Variants in DIPK1A observed in about 807,000 individuals in gnomAD.
DIPK1A encodes the protein family with sequence similarity 69 member A.
DIPK1A carries 27 observed loss-of-function variants against 40.8 expected under a neutral mutation model. The ratio of observed to expected loss-of-function variants is 0.66; its 90% CI spans 0.49 to 0.91. DIPK1A has a LOEUF of 0.91. Among genes scored for constraint, DIPK1A ranks in the 40% least tolerant of loss-of-function variants. The probability of loss-of-function intolerance (pLI) is 0.00; values close to 1 mark genes in which losing one functional copy is unlikely to be tolerated. For synonymous variants in DIPK1A, 166 were observed against 171.3 expected (o/e 0.97, Z 0.24); for missense variants, 412 against 505.7 (o/e 0.81, Z 1.78).
At chr1:92,866,347 C>T (rs1290188885) in intron 2 of DIPK1A, among the ~76,000 whole-genome samples, 3 of 152,204 alleles carry the variant, frequency 2.0e-5, no homozygotes, top group African/African-American at 2.4e-5. Flanking sequence ...GGTGATCCAC[C>T]CGCCTCGGCC....
intron 2 of DIPK1A, among the ~76,000 whole-genome samples, chr1:92,853,150 T>C (rs1040580363): frequency 6.6e-6 from 1 of 151,780 alleles, no homozygotes; most frequent in Non-Finnish European, 1.5e-5. Flanking sequence ...TTAAGATAAA[T>C]GTATAGATAA....
chr1:92,834,960 T>C, intron 4 of DIPK1A: 1 of 1,599,444 alleles, frequency 6.3e-7, no homozygotes, highest in Non-Finnish European at 8.5e-7. Flanking sequence ...GCTGATTGCT[T>C]GGAGAGTTTT....
At chr1:92,874,854 G>A (rs1202534114) in intron 2 of DIPK1A, among the ~76,000 whole-genome samples, 1 of 152,122 alleles carries the variant, frequency 6.6e-6, no homozygotes, top group Admixed American at 6.5e-5. Flanking sequence ...CTGGGTCATA[G>A]TTCTTTATCT....
chr1:92,946,446 A>T (rs544532123), intron 1 of DIPK1A, among the ~76,000 whole-genome samples: 1 of 152,322 alleles, frequency 6.6e-6, no homozygotes, highest in African/African-American at 2.4e-5. Context: ...GTCCCTTCTA[A>T]AAAAGGGGAG....
At chr1:92,832,901 G>T in exon 5 of DIPK1A, 1 of 669,454 alleles carries the variant, frequency 1.5e-6, no homozygotes, top group East Asian at 2.7e-5. Flanking sequence ...AGCGAGAGAG[G>T]TACGTAGTTG....
chr1:92,851,672 C>T (rs963565446), intron 2 of DIPK1A, among the ~76,000 whole-genome samples: 1 of 151,850 alleles, frequency 6.6e-6, no homozygotes, highest in Non-Finnish European at 1.5e-5. Flanking sequence ...AACCCATCCA[C>T]TCTCTGAAAA....
Position 92,842,577 on chromosome 1 carries a change from A to G in DIPK1A, c.*806T>C. 2.0e-6 allele frequency: 2 copies of G among 982,768 alleles called. No homozygotes were observed. The highest frequency in any genetic ancestry group is 2.4e-6 in the Non-Finnish European group (2 of 829,368). The allele number at this position is 982,768 out of a possible 1,614,324, so 60.9% of individuals were successfully genotyped here. A position where few individuals can be genotyped will look rare whatever the true frequency, so the allele number is the denominator to read the frequency against. ...GTTTGAAAATGGAAAGTTATTACTA[A>G]AAAGTCTGCTATAATTTATTTTAGT... is the stretch of plus-strand genomic sequence containing the variant. On this transcript the variant is annotated 3_prime_UTR_variant, in exon 5 of 5. Transcript: ENST00000370310.
At chr1:92,845,329 T>C (rs1687557702) in intron 4 of DIPK1A, among the ~76,000 whole-genome samples, 1 of 141,962 alleles carries the variant, frequency 7.0e-6, no homozygotes, top group Non-Finnish European at 1.5e-5. Flanking sequence ...GAAGAACTGC[T>C]ATGCTTTTTT....
At chr1:92,860,137 G>C (rs1688115782) in intron 2 of DIPK1A, among the ~76,000 whole-genome samples, 1 of 152,136 alleles carries the variant, frequency 6.6e-6, no homozygotes, top group African/African-American at 2.4e-5. Flanking sequence ...TTAATGAAGA[G>C]GTTTTAAGAA....
chr1:92,903,774 G>A (rs183668675), intron 1 of DIPK1A, among the ~76,000 whole-genome samples: 57 of 152,300 alleles, frequency 3.7e-4, no homozygotes, highest in African/African-American at 1.3e-3. Context: ...ATCTAAGATA[G>A]GCCGTCAGGT....
At chr1:92,897,666 AT>A in intron 1 of DIPK1A, among the ~76,000 whole-genome samples, 2 of 141,316 alleles carry the variant, frequency 1.4e-5, no homozygotes, top group East Asian at 4.3e-4. Flanking sequence ...TAAAAAAAAA[AT>A]TTCCTTTTTC....
rs1648128134 is a variant in DIPK1A, at chr1:92,876,416, A to G, written c.69T>C (p.Tyr23=). ...KPYYLQARFS[Y]VRMKYLFFSW... is the part of the protein sequence containing the mutation. ...AAAAGAAAAGATATTTCATCCGCAC[A>G]TATGAGAAGCGAGCCTGTGAGTAAA... Residue 23 remains tyrosine, a synonymous_variant, in exon 2 of 5, where the codon TAT becomes TAC. Coordinates refer to ENST00000370310, the MANE Select transcript of DIPK1A (RefSeq NM_001006605.5). 2 of 1,612,438 alleles carry G rather than the reference A, an allele frequency of 1.2e-6. No homozygotes were observed. The highest frequency in any genetic ancestry group is 1.3e-5 in the African/African-American group (1 of 74,978).
intron 4 of DIPK1A, chr1:92,833,195 C>G: frequency 1.5e-6 from 1 of 650,764 alleles, no homozygotes; most frequent in Admixed American, 2.6e-5. Context: ...TTTTATGAAA[C>G]TACTAGTCTG....
chr1:92,915,110 C>T (rs969372206), intron 1 of DIPK1A, among the ~76,000 whole-genome samples: 26 of 145,036 alleles, frequency 1.8e-4, no homozygotes, highest in African/African-American at 6.5e-4. Context: ...AAAAAAAGGA[C>T]ACACACACAC....
At chr1:92,863,571 C>CA (rs10650458) in intron 2 of DIPK1A, among the ~76,000 whole-genome samples, 27,441 of 101,000 alleles carry the variant, frequency 0.27, 4,317 homozygotes, top group African/African-American at 0.31. Flanking sequence ...CTGTCTCTAC[C>CA]AAAAAAAAAA....
chr1:92,880,318 A>G (rs1411886297), intron 1 of DIPK1A, among the ~76,000 whole-genome samples: 1 of 152,224 alleles, frequency 6.6e-6, no homozygotes, highest in Non-Finnish European at 1.5e-5. Context: ...TAAAAATATA[A>G]TAACATCTGT....
intron 2 of DIPK1A, among the ~76,000 whole-genome samples, chr1:92,857,765 G>C (rs1288788241): frequency 6.6e-6 from 1 of 152,160 alleles, no homozygotes; most frequent in Admixed American, 6.5e-5. Context: ...AGGTTAAGAA[G>C]AGGGTAAGAA....
intron 1 of DIPK1A, among the ~76,000 whole-genome samples, chr1:92,913,286 T>C (rs1374869411): frequency 2.0e-5 from 3 of 152,180 alleles, no homozygotes; most frequent in Non-Finnish European, 4.4e-5. Flanking sequence ...ACTGATTGCT[T>C]CAACCCCAGG....
At chr1:92,839,473 G>A (rs1411245764), downstream of DIPK1A, among the ~76,000 whole-genome samples, 4 of 152,176 alleles carry the variant, frequency 2.6e-5, no homozygotes, top group African/African-American at 9.6e-5. Flanking sequence ...GGATAGATTG[G>A]TGGTAGTGAA....
Sources: gnomAD v4.1 joint callset for allele counts (sites outside exome capture counted in the v4.1 genomes callset) on GRCh38, gnomAD v4.1.1 for gene constraint, MANE v1.5 for transcripts, NCBI Gene and HGNC (gene_info 2026-07-23, HGNC 2026-07-21) for gene names.